MYH9: variants seen among roughly 807,000 people sequenced by gnomAD.
MYH9 encodes myosin heavy chain 9.
A neutral mutation model predicts 241.9 loss-of-function variants in MYH9; 29 were observed. The observed-to-expected ratio is 0.12, with a 90% confidence interval of 0.09 to 0.16. The LOEUF (loss-of-function observed/expected upper bound fraction) is 0.16. Among genes scored for constraint, MYH9 ranks in the 10% least tolerant of loss-of-function variants. The pLI, the probability that MYH9 is intolerant of heterozygous loss-of-function variation, is 1.00. For synonymous variants in MYH9, 1,047 were observed against 1,062.6 expected (o/e 0.99, Z 0.29); for missense variants, 1,803 against 2,595.5 (o/e 0.69, Z 6.63).
At chr22:36,325,302 G>A (rs996041002) in intron 5 of MYH9, among the ~76,000 whole-genome samples, 11 of 152,308 alleles carry the variant, frequency 7.2e-5, no homozygotes, top group Admixed American at 5.9e-4. Flanking sequence ...CTTTTGGTTC[G>A]GTTCCAGAAG....
At chr22:36,371,198 C>G (rs962636681) in intron 1 of MYH9, among the ~76,000 whole-genome samples, 8 of 152,208 alleles carry the variant, frequency 5.3e-5, no homozygotes, top group African/African-American at 9.7e-5. Flanking sequence ...GGAGCCCTAA[C>G]TCCCAGTACC....
Position 36,303,184 on chromosome 22 carries a change from C to T in MYH9, c.2391-508G>A, listed in dbSNP as rs1026513749. ...TCCATCTGTGCAAATGCTCAAGCTT[C>T]GTCTCCCAGAGCTCGGCGCTCCTGC... is the stretch of plus-strand genomic sequence containing the variant. On this transcript the variant is annotated intron_variant, in intron 19 of 40. Transcript: ENST00000216181. Among the ~76,000 whole-genome samples, 6 of 152,084 alleles carry T rather than the reference C, an allele frequency of 3.9e-5. No homozygotes were observed. In the East Asian group the frequency reaches 7.7e-4, roughly 20 times the overall value.
intron 11 of MYH9, 125 bp from the exon 12 acceptor site, chr22:36,316,794 G>GAAAAAA: frequency 1.3e-6 from 1 of 797,266 alleles, no homozygotes; most frequent in African/African-American, 1.8e-5. Flanking sequence ...GTATGTGGGG[G>GAAAAAA]AAAAAAAAAA....
intron 30 of MYH9, among the ~76,000 whole-genome samples, chr22:36,292,556 T>G (rs1210571214): frequency 3.9e-5 from 6 of 152,146 alleles, no homozygotes; most frequent in African/African-American, 1.4e-4. Flanking sequence ...CAGTGCCCTG[T>G]AGGGTGTCCA....
At chr22:36,292,678 A>G (rs1383274129) in intron 30 of MYH9, among the ~76,000 whole-genome samples, 1 of 152,192 alleles carries the variant, frequency 6.6e-6, no homozygotes, top group African/African-American at 2.4e-5. Flanking sequence ...GCCCATCCCG[A>G]GGTGGTTCAG....
At chr22:36,333,307 G>A (rs2017451811) in intron 3 of MYH9, among the ~76,000 whole-genome samples, 2 of 152,216 alleles carry the variant, frequency 1.3e-5, no homozygotes, top group South Asian at 4.1e-4. Context: ...GGAGCGGTCG[G>A]TAGAAGGAAA....
chr22:36,304,699 T>C (rs1569535329), intron 18 of MYH9, among the ~76,000 whole-genome samples: 1 of 152,168 alleles, frequency 6.6e-6, no homozygotes, highest in Non-Finnish European at 1.5e-5. Flanking sequence ...TGAGCTGCCC[T>C]GCTCACCACA....
intron 1 of MYH9, among the ~76,000 whole-genome samples, chr22:36,367,792 C>G (rs1263027581): frequency 1.3e-5 from 2 of 152,230 alleles, no homozygotes; most frequent in African/African-American, 4.8e-5. Flanking sequence ...AGCAGCGGCC[C>G]CTGCTCTAGA....
chr22:36,367,897 GCA>G (rs2018034658), intron 1 of MYH9, among the ~76,000 whole-genome samples: 1 of 152,108 alleles, frequency 6.6e-6, no homozygotes, highest in Non-Finnish European at 1.5e-5. Flanking sequence ...ATACAGACTT[GCA>G]CACACACAGA....
rs750904748 is a variant in MYH9, at chr22:36,294,907, CT to C, written c.3630+24del. The C allele has an allele frequency of 9.3e-6, 15 of 1,609,180 alleles. No individual in the cohort carries two copies. In the East Asian group the frequency reaches 3.1e-4, roughly 33 times the overall value. On this transcript the variant is annotated intron_variant, in intron 27 of 40. Transcript: ENST00000216181. ...CAGCACGGGGAACCCTGCCCTCCCC[CT>C]GCGGTCTCAGGGAGGCTCCGCACCC...
At chr22:36,379,740 C>T (rs954869994) in intron 1 of MYH9, among the ~76,000 whole-genome samples, 3 of 152,182 alleles carry the variant, frequency 2.0e-5, no homozygotes, top group Admixed American at 2.0e-4. Flanking sequence ...GAAGGCCCTG[C>T]AAAGGCTCCT....
chr22:36,336,004 A>G (rs2017491698), intron 3 of MYH9, among the ~76,000 whole-genome samples: 1 of 152,220 alleles, frequency 6.6e-6, no homozygotes, highest in African/African-American at 2.4e-5. Context: ...CTGCTGGGTG[A>G]CCAACCACCT....
chr22:36,368,803 G>A (rs2018048512), intron 1 of MYH9, among the ~76,000 whole-genome samples: 1 of 151,304 alleles, frequency 6.6e-6, no homozygotes, highest in South Asian at 2.1e-4. Flanking sequence ...AGGTCCTGCA[G>A]CACAACAAAG....
At position 36,319,581 on chromosome 22, in the gene MYH9, T is replaced by C. The variant is rs747874038; in HGVS notation, c.1067A>G (p.Lys356Arg). The change falls in exon 10 of 41, where the codon AAG (lysine) becomes AGG (arginine). Residue 356 changes from lysine to arginine, a missense_variant. By Grantham distance (26) the Lys-to-Arg change is conservative. Coordinates refer to ENST00000216181, the MANE Select transcript of MYH9 (RefSeq NM_002473.6). ...GGACGCCTGGTCAGTGTTCCGCTCCTTCTTGAAGACGATGTTGCCGAGCTG... is the reference window on the plus strand; with the variant it reads ...GGACGCCTGGTCAGTGTTCCGCTCCCTCTTGAAGACGATGTTGCCGAGCTG... ...VLQLGNIVFKKERNTDQASMP... is the reference protein window; with the variant it reads ...VLQLGNIVFKRERNTDQASMP... 1 of 1,614,164 alleles carries C rather than the reference T, an allele frequency of 6.2e-7. No individual in the cohort carries two copies. Among genetic ancestry groups the C allele is most frequent in the South Asian group, 1.1e-5 (1 of 91,072 alleles).
intron 7 of MYH9, among the ~76,000 whole-genome samples, chr22:36,321,097 C>T (rs372610468): frequency 1.3e-5 from 2 of 152,142 alleles, no homozygotes; most frequent in African/African-American, 4.8e-5. Context: ...GGATTACAGG[C>T]GCCCACCACC....
In MYH9 at chr22:36,293,965, A is replaced by C; in HGVS notation, c.3838-102T>G. On this transcript the variant is annotated intron_variant, in intron 28 of 40. Transcript: ENST00000216181. This position sits in a 1 kb window ranked among gnomAD's most constrained non-coding sequence, Gnocchi z 5.1. ...AAGCTGGACCTGAGTCACAAGCTGA[A>C]CCATGAGGGTCTGAGGAGCCAGTTT... 6.8e-7 allele frequency: 1 copy of C among 1,463,462 alleles called. No individual in the cohort carries two copies. The highest frequency in any genetic ancestry group is 9.4e-7 in the Non-Finnish European group (1 of 1,063,510). The allele number at this position is 1,463,462 out of a possible 1,614,324, so 90.7% of individuals were successfully genotyped here.
rs2016514314 is a variant in MYH9 at position 36,282,783 on chromosome 22, C to T, written c.5768G>A (p.Arg1923His). 1.9e-6 allele frequency: 3 copies of T among 1,608,850 alleles called. No homozygotes were observed. The highest frequency in any genetic ancestry group is 1.7e-6 in the Non-Finnish European group (2 of 1,179,436). The change falls in exon 41 of 41, where the codon CGC becomes CAC. Residue 1923 changes from arginine to histidine, a missense_variant and splice_region_variant. Physicochemically the swap from Arg to His is conservative, Grantham distance 29. Coordinates refer to ENST00000216181, the MANE Select transcript of MYH9 (RefSeq NM_002473.6). The stretch of plus-strand genomic sequence containing the variant: ...GGGCACGACAAACGGCAGGTCCCCG[C>T]GCCTGGGGGCAGAGGTAGAAGCAGA... ...EVSSLKNKLRRGDLPFVVPRR... is the reference protein window; with the variant it reads ...EVSSLKNKLRHGDLPFVVPRR...
At chr22:36,362,637 C>A (rs906849414) in intron 1 of MYH9, among the ~76,000 whole-genome samples, 5 of 152,094 alleles carry the variant, frequency 3.3e-5, no homozygotes, top group Admixed American at 3.3e-4. Flanking sequence ...CCAGCACGCT[C>A]GGCTAATTTT....
chr22:36,315,242 T>C (rs1359086089), intron 12 of MYH9, among the ~76,000 whole-genome samples: 2 of 152,172 alleles, frequency 1.3e-5, no homozygotes, highest in African/African-American at 2.4e-5. Flanking sequence ...GTACTGCTAA[T>C]ACAACTGTGG....
Sources: allele counts gnomAD v4.1 joint callset (sites outside exome capture counted in the v4.1 genomes callset), GRCh38; gene constraint gnomAD v4.1.1; non-coding constraint Gnocchi (gnomAD v3.1); transcripts MANE v1.5; gene names NCBI Gene and HGNC (gene_info 2026-07-23, HGNC 2026-07-21).